The following MTA3 variants were observed in gnomAD, a reference collection of about 807,000 sequenced individuals.
The protein encoded by MTA3 is metastasis-associated protein MTA3.
MTA3 carries 34 observed loss-of-function variants against 83.5 expected under a neutral mutation model. The ratio of observed to expected loss-of-function variants is 0.41; its 90% CI spans 0.31 to 0.54. The LOEUF (loss-of-function observed/expected upper bound fraction) is 0.54, where lower values mean the gene tolerates loss of function less well. MTA3 is among the 20% of genes least tolerant of loss of function. The pLI, the probability that MTA3 is intolerant of heterozygous loss-of-function variation, is 0.33. For synonymous variants in MTA3, 303 were observed against 252.7 expected, an observed-to-expected ratio of 1.20 and a Z score of -1.89; for missense variants, 761 against 726.4, an observed-to-expected ratio of 1.05 and a Z score of -0.55.
intron 3 of MTA3, among the ~76,000 whole-genome samples, chr2:42,609,213 T>C (rs1683881362): frequency 6.6e-6 from 1 of 151,902 alleles, no homozygotes; most frequent in South Asian, 2.1e-4. Context: ...GTATTTTTAG[T>C]AGAGATGGGG....
intron 14 of MTA3, among the ~76,000 whole-genome samples, chr2:42,711,387 G>C (rs1666596086): frequency 6.6e-6 from 1 of 152,096 alleles, no homozygotes; most frequent in Non-Finnish European, 1.5e-5. Flanking sequence ...TAAGTTACCT[G>C]TATTTTATTT....
At chr2:42,559,839 A>G (rs185099158) in intron 2 of MTA3, among the ~76,000 whole-genome samples, 1,829 of 151,354 alleles carry the variant, frequency 0.012, 32 homozygotes, top group African/African-American at 0.041. Flanking sequence ...TGGAGGTTGC[A>G]GTAAGCCGAG....
intron 3 of MTA3, among the ~76,000 whole-genome samples, chr2:42,584,942 T>C (rs1177957168): frequency 6.6e-6 from 1 of 151,968 alleles, no homozygotes; most frequent in Admixed American, 6.6e-5. Flanking sequence ...AAGATTTTTT[T>C]TTTTTTTGAG....
chr2:42,753,225 G>T, intron 16 of MTA3, 149 bp from the exon 17 acceptor site: 1 of 1,415,352 alleles, frequency 7.1e-7, no homozygotes, highest in South Asian at 1.4e-5. Flanking sequence ...CACCACACCT[G>T]GCCTAGTCAT....
At chr2:42,560,927 A>C (rs1677646396) in intron 2 of MTA3, among the ~76,000 whole-genome samples, 2 of 152,078 alleles carry the variant, frequency 1.3e-5, no homozygotes, top group South Asian at 2.1e-4. Flanking sequence ...CAAAAACCAA[A>C]TTAAGTCTCC....
At chr2:42,736,238 C>T (rs1456938670) in intron 16 of MTA3, among the ~76,000 whole-genome samples, 1 of 152,188 alleles carries the variant, frequency 6.6e-6, no homozygotes, top group East Asian at 1.9e-4. Context: ...CCCTGGATTA[C>T]TAGGTGGAGA....
chr2:42,627,725 A>ATTTTT (rs869227831), intron 4 of MTA3, among the ~76,000 whole-genome samples: 10 of 103,376 alleles, frequency 9.7e-5, no homozygotes, highest in African/African-American at 1.6e-4. Flanking sequence ...GCCTGGCTAA[A>ATTTTT]TTTTTTTTTT....
chr2:42,599,592 A>G (rs1388294695), intron 3 of MTA3, among the ~76,000 whole-genome samples: 1 of 151,900 alleles, frequency 6.6e-6, no homozygotes, highest in Non-Finnish European at 1.5e-5. Flanking sequence ...TCCATCTCCA[A>G]AAAAAAAGAA....
chr2:42,605,222 C>T (rs1261406260), intron 3 of MTA3, among the ~76,000 whole-genome samples: 15 of 135,862 alleles, frequency 1.1e-4, no homozygotes, highest in African/African-American at 3.8e-4. Flanking sequence ...GGCTGACCCC[C>T]CCCACCTCCC....
chr2:42,750,085 G>A (rs1056951864), intron 16 of MTA3, among the ~76,000 whole-genome samples: 20 of 152,068 alleles, frequency 1.3e-4, no homozygotes, highest in African/African-American at 4.8e-4. Flanking sequence ...TCCGCCTCCT[G>A]GGTTCAAGCG....
At chr2:42,739,361 C>T (rs968702803) in intron 16 of MTA3, among the ~76,000 whole-genome samples, 1 of 151,502 alleles carries the variant, frequency 6.6e-6, no homozygotes, top group East Asian at 1.9e-4. Context: ...TATGTTTACA[C>T]TATACTGTAG....
intron 9 of MTA3, among the ~76,000 whole-genome samples, chr2:42,688,412 T>C (rs1692581846): frequency 6.6e-6 from 1 of 152,204 alleles, no homozygotes; most frequent in Non-Finnish European, 1.5e-5. Context: ...AAAAAGCCAT[T>C]ATAATAGGTT....
intron 2 of MTA3, among the ~76,000 whole-genome samples, chr2:42,509,409 T>A (rs908364994): frequency 6.6e-6 from 1 of 152,150 alleles, no homozygotes; most frequent in African/African-American, 2.4e-5. Flanking sequence ...GAGCAAGGAC[T>A]CTGGGGTCAG....
chr2:42,670,746 A>ATG (rs1690719634), intron 8 of MTA3, among the ~76,000 whole-genome samples: 1 of 143,332 alleles, frequency 7.0e-6, no homozygotes, highest in Admixed American at 6.9e-5. Context: ...CTCTAACACT[A>ATG]TATATATATA....
At chr2:42,531,893 A>G (rs1675995099) in intron 2 of MTA3, among the ~76,000 whole-genome samples, 1 of 152,038 alleles carries the variant, frequency 6.6e-6, no homozygotes, top group Non-Finnish European at 1.5e-5. Flanking sequence ...AGTAGCTGGG[A>G]CTACAGGTGC....
intron 2 of MTA3, among the ~76,000 whole-genome samples, chr2:42,507,244 T>G (rs1365541378): frequency 6.6e-6 from 1 of 152,048 alleles, no homozygotes; most frequent in Admixed American, 6.6e-5. Context: ...CAATCACAGC[T>G]CACTGTGGCC....
rs35633597 is a variant in MTA3 at position 42,664,466 on chromosome 2, C to CTTTTTTTTTTTTTTTTTTTTTTTTTT, written c.702+4607_702+4632dup. ...CCTACTACCCCCTCACCCCGCTTAC[C>CTTTTTTTTTTTTTTTTTTTTTTTTTT]TTTTTTTTTTTTTTTTTTTTTTTTT... On this transcript the variant is annotated intron_variant, in intron 8 of 16. Coordinates refer to ENST00000405094, the MANE Select transcript of MTA3 (RefSeq NM_001330442.2). Among the ~76,000 whole-genome samples the CTTTTTTTTTTTTTTTTTTTTTTTTTT allele has an allele frequency of 2.0e-4, 17 of 85,746 alleles. 7 individuals are homozygous for CTTTTTTTTTTTTTTTTTTTTTTTTTT. The highest frequency in any genetic ancestry group is 5.2e-4 in the African/African-American group (11 of 21,032). 56.3% of individuals were successfully genotyped at this position (85,746 alleles called of 152,430 possible). A position where few individuals can be genotyped will look rare whatever the true frequency, so the allele number is the denominator to read the frequency against.
chr2:42,596,944 G>A (rs997296353), intron 3 of MTA3, among the ~76,000 whole-genome samples: 7 of 151,312 alleles, frequency 4.6e-5, no homozygotes, highest in African/African-American at 1.2e-4. Flanking sequence ...TCGCTCTGTC[G>A]CCCAGGCTGG....
At chr2:42,538,137 G>A (rs767669576) in intron 2 of MTA3, among the ~76,000 whole-genome samples, 2 of 152,088 alleles carry the variant, frequency 1.3e-5, no homozygotes, top group Non-Finnish European at 1.5e-5. Context: ...GGAGGCTGAG[G>A]CAGGAGAATG....
Sources: allele counts gnomAD v4.1 joint callset (sites outside exome capture counted in the v4.1 genomes callset), GRCh38; gene constraint gnomAD v4.1.1; transcripts MANE v1.5; gene names NCBI Gene and HGNC (gene_info 2026-07-23, HGNC 2026-07-21).